Variants in TMPRSS13 observed in about 807,000 individuals in gnomAD.
TMPRSS13 encodes transmembrane serine protease 13.
A neutral mutation model predicts 68.4 loss-of-function variants in TMPRSS13; 50 were observed. The ratio of observed to expected loss-of-function variants is 0.73; its 90% CI spans 0.58 to 0.93. The LOEUF (loss-of-function observed/expected upper bound fraction) is 0.93. Ranked by LOEUF, TMPRSS13 falls within the 40% of genes least tolerant of loss-of-function variation. The pLI, the probability that TMPRSS13 is intolerant of heterozygous loss-of-function variation, is 0.00. For synonymous variants in TMPRSS13, 267 were observed against 285.8 expected (o/e 0.93, Z 0.66); for missense variants, 615 against 729.2 (o/e 0.84, Z 1.80).
rs759872786 is a variant in TMPRSS13 at position 117,910,757 on chromosome 11, G to C, written c.903-7C>G. On this transcript the variant is annotated splice_region_variant and splice_polypyrimidine_tract_variant and intron_variant, in intron 6 of 12. Transcript: ENST00000524993. Reference sequence around the variant, plus strand: ...CTGGGAAGGGCATTCAGACCTGCAGGGGGAGACACAGAAAGTGGGAAAAGG... The same window carrying C: ...CTGGGAAGGGCATTCAGACCTGCAGCGGGAGACACAGAAAGTGGGAAAAGG... The C allele has an allele frequency of 6.2e-7, 1 of 1,605,722 alleles. No individual in the cohort carries two copies. Among genetic ancestry groups the C allele is most frequent in the South Asian group, 1.1e-5 (1 of 89,672 alleles).
intron 1 of TMPRSS13, among the ~76,000 whole-genome samples, chr11:117,928,003 C>T (rs1044998118): frequency 3.3e-5 from 5 of 152,196 alleles, no homozygotes; most frequent in Non-Finnish European, 7.3e-5. Flanking sequence ...GGGAAGATAT[C>T]GCCCCATCAC....
intron 2 of TMPRSS13, among the ~76,000 whole-genome samples, 197 bp from the exon 3 acceptor site, chr11:117,917,471 C>T (rs2057590761): frequency 6.6e-6 from 1 of 152,204 alleles, no homozygotes; most frequent in Non-Finnish European, 1.5e-5. Context: ...AATGCAAAAA[C>T]TGAGCTCCCC....
chr11:117,928,493 G>A (rs1329750248), intron 1 of TMPRSS13, among the ~76,000 whole-genome samples: 3 of 152,118 alleles, frequency 2.0e-5, no homozygotes, highest in Admixed American at 6.6e-5. Flanking sequence ...CTACCATGTC[G>A]GTAAGGTACA....
intron 7 of TMPRSS13, 58 bp downstream of exon 7, chr11:117,910,649 C>T (rs1238741142): frequency 2.6e-6 from 4 of 1,536,576 alleles, no homozygotes; most frequent in Admixed American, 1.8e-5. Context: ...GAGTGCTGCC[C>T]CTCTGCCCTT....
At chr11:117,908,375 C>A (rs1239496472) in intron 9 of TMPRSS13, 5 of 613,432 alleles carry the variant, frequency 8.2e-6, no homozygotes, top group South Asian at 2.0e-5. Context: ...CTGACTCCGT[C>A]ATCAATTTGT....
chr11:117,909,864 A>C lies in TMPRSS13; in HGVS notation c.1051T>G (p.Cys351Gly). The change falls in exon 8 of 13, where the codon TGT (cysteine) becomes GGT (glycine). Residue 351 changes from cysteine (C) to glycine (G), a missense_variant. Transcript: ENST00000524993. ...VSLHFGTTHI[C>G]GGTLIDAQWV... ...TGGGCGTCAATGAGCGTGCCTCCAC[A>C]GATGTGGGTGGTGCCGAAGTGCAGA... The C allele has an allele frequency of 3.1e-6, 5 of 1,613,978 alleles. No homozygotes were observed. The highest frequency in any genetic ancestry group is 4.2e-6 in the Non-Finnish European group (5 of 1,179,990).
Position 117,909,924 on chromosome 11 carries a change from G to A in TMPRSS13, c.991C>T (p.Leu331=). 1 of 1,614,190 alleles carries A rather than the reference G, an allele frequency of 6.2e-7. No individual in the cohort carries two copies. The highest frequency in any genetic ancestry group is 8.5e-7 in the Non-Finnish European group (1 of 1,180,034). The change falls in exon 8 of 13, where the codon CTG becomes TTG. Residue 331 remains leucine (L), a synonymous_variant. Transcript: ENST00000524993. ...AMTGRIVGGA[L]ASDSKWPWQV... Reference sequence around the variant, plus strand: ...CAAGGCCACTTGCTATCCGAGGCCAGCGCCCCTCCCACGATCCGCCCGGTC... The same window carrying A: ...CAAGGCCACTTGCTATCCGAGGCCAACGCCCCTCCCACGATCCGCCCGGTC...
chr11:117,908,577 G>C (rs767628994), intron 9 of TMPRSS13, 35 bp downstream of exon 9: 5 of 1,546,254 alleles, frequency 3.2e-6, no homozygotes, highest in African/African-American at 1.4e-5. Flanking sequence ...GCTGGGGCTG[G>C]GGGGCAGGAG....
At chr11:117,911,499 T>C (rs1483535725) in intron 6 of TMPRSS13, among the ~76,000 whole-genome samples, 3 of 152,174 alleles carry the variant, frequency 2.0e-5, no homozygotes, top group African/African-American at 4.8e-5. Flanking sequence ...GTCCCAAGGT[T>C]CATGAATTGC....
At chr11:117,918,902 T>A in intron 1 of TMPRSS13, 64 bp from the exon 2 acceptor site, 1 of 1,594,918 alleles carries the variant, frequency 6.3e-7, no homozygotes, top group South Asian at 1.1e-5. Flanking sequence ...AGCTGTCAGC[T>A]GTGCTGCACT....
At chr11:117,910,878 G>A in intron 6 of TMPRSS13, 128 bp from the exon 7 acceptor site, 1 of 814,276 alleles carries the variant, frequency 1.2e-6, no homozygotes, top group South Asian at 1.9e-5. Context: ...CAGGAAGCAG[G>A]AGATTCTGAG....
Position 117,904,063 on chromosome 11 carries a change from G to C in TMPRSS13, c.1420C>G (p.Leu474Val). Residue 474 changes from leucine (L) to valine (V), a missense_variant, in exon 11 of 13, where the codon CTC becomes GTC. By Grantham distance (32) the Leu-to-Val change is conservative. Transcript: ENST00000524993. ...SPFLREVQVN[L>V]IDFKKCNDYL... ...TCATTGCATTTCTTGAAGTCGATGA[G>C]ATTGACCTGCACCTCCCGGAGGAAG... The C allele has an allele frequency of 6.2e-7, 1 of 1,614,146 alleles. No homozygotes were observed. The highest frequency in any genetic ancestry group is 1.3e-5 in the African/African-American group (1 of 75,058).
intron 1 of TMPRSS13, among the ~76,000 whole-genome samples, chr11:117,927,090 A>T (rs750445234): frequency 9.9e-5 from 15 of 152,264 alleles, no homozygotes; most frequent in Non-Finnish European, 1.8e-4. Flanking sequence ...TACTCTTGTT[A>T]ACAATCACCA....
chr11:117,909,231 T>C (rs1036657437), intron 8 of TMPRSS13, among the ~76,000 whole-genome samples: 2 of 152,168 alleles, frequency 1.3e-5, no homozygotes, highest in Non-Finnish European at 2.9e-5. Flanking sequence ...CTTGTACTGA[T>C]AAGATCTCAG....
intron 3 of TMPRSS13, 96 bp downstream of exon 3, chr11:117,917,074 C>T: frequency 2.0e-6 from 2 of 986,122 alleles, no homozygotes; most frequent in Non-Finnish European, 3.1e-6. Context: ...TGAGTGGGTG[C>T]TCCCCACACC....
Position 117,911,750 on chromosome 11 carries a change from C to T in TMPRSS13, c.902+18G>A. 6.2e-7 allele frequency: 1 copy of T among 1,609,880 alleles called. No individual in the cohort carries two copies. The highest frequency in any genetic ancestry group is 8.5e-7 in the Non-Finnish European group (1 of 1,176,748). Reference sequence around the variant, plus strand: ...CTTCCCCTGCTCACAAACAGGCAGCCTGCCTGCCCCACCATACCTGTGGAG... The same window carrying T: ...CTTCCCCTGCTCACAAACAGGCAGCTTGCCTGCCCCACCATACCTGTGGAG... On this transcript the variant is annotated intron_variant, in intron 6 of 12. Transcript: ENST00000524993.
At position 117,922,377 on chromosome 11, in the gene TMPRSS13, G is replaced by C. The variant is rs2057657517; in HGVS notation, c.22-3539C>G. On this transcript the variant is annotated intron_variant, in intron 1 of 12. Coordinates refer to ENST00000524993, the MANE Select transcript of TMPRSS13 (RefSeq NM_001077263.3). The surrounding 1 kb of genome is among the most constrained non-coding windows in gnomAD (Gnocchi z 4.2). Reference sequence around the variant, plus strand: ...AGCCTCCTGAGTACCTGGGACTACAGGCACGCGCCACTGTGCCCAGCTAAT... The same window carrying C: ...AGCCTCCTGAGTACCTGGGACTACACGCACGCGCCACTGTGCCCAGCTAAT... Among the ~76,000 whole-genome samples the C allele has an allele frequency of 6.6e-6, 1 of 152,194 alleles. No homozygotes were observed. The highest frequency in any genetic ancestry group is 1.5e-5 in the Non-Finnish European group (1 of 68,040).
chr11:117,911,895 C>T (rs1333149735), intron 5 of TMPRSS13, 35 bp from the exon 6 acceptor site: 1 of 1,570,528 alleles, frequency 6.4e-7, no homozygotes, highest in East Asian at 2.2e-5. Context: ...AATGAGCCCC[C>T]TGGAGACAGA....
rs1249088186 is a variant in TMPRSS13 at position 117,922,800 on chromosome 11, A to G, written c.22-3962T>C. ...CCTTGCCAACCATTCTTTCCTGACC[A>G]TGCCTCTCCTCCCCACCTACCCGTG... On this transcript the variant is annotated intron_variant, in intron 1 of 12. Transcript: ENST00000524993. This position sits in a 1 kb window ranked among gnomAD's most constrained non-coding sequence, Gnocchi z 4.2. Among the ~76,000 whole-genome samples the G allele has an allele frequency of 6.6e-6, 1 of 152,118 alleles. No homozygotes were observed. Among genetic ancestry groups the G allele is most frequent in the Non-Finnish European group, 1.5e-5 (1 of 68,000 alleles).
Sources: gnomAD v4.1 joint callset for allele counts (sites outside exome capture counted in the v4.1 genomes callset) on GRCh38, gnomAD v4.1.1 for gene constraint, Gnocchi (gnomAD v3.1) non-coding constraint, MANE v1.5 for transcripts, NCBI Gene and HGNC (gene_info 2026-07-23, HGNC 2026-07-21) for gene names.